The following DISC1 variants were observed in gnomAD, a reference collection of about 807,000 sequenced individuals.
The protein encoded by DISC1 is disrupted in schizophrenia 1 protein.
A neutral mutation model predicts 84.5 loss-of-function variants in DISC1; 57 were observed. That is an observed-to-expected ratio of 0.67 (90% confidence interval 0.55 to 0.84). The LOEUF (loss-of-function observed/expected upper bound fraction) is 0.84. DISC1 is among the 40% of genes least tolerant of loss of function. The pLI is 0.00. For missense variants in DISC1, 1,000 were observed against 1,057.8 expected, an observed-to-expected ratio of 0.95 and a Z score of 0.76; for synonymous variants, 411 against 415.2, an observed-to-expected ratio of 0.99 and a Z score of 0.12.
At chr1:232,023,650 G>A (rs1669174191) in intron 11 of DISC1, among the ~76,000 whole-genome samples, 1 of 152,104 alleles carries the variant, frequency 6.6e-6, no homozygotes, top group South Asian at 2.1e-4. Context: ...ATGTAAAACT[G>A]TATTTTAAAT....
At chr1:231,921,896 CAT>C (rs555535394) in intron 9 of DISC1, among the ~76,000 whole-genome samples, 419 of 143,732 alleles carry the variant, frequency 2.9e-3, no homozygotes, top group Admixed American at 4.7e-3. Flanking sequence ...ATTGTTATTA[CAT>C]AGAGTCACCA....
chr1:231,786,525 A>G (rs941750126), intron 6 of DISC1, among the ~76,000 whole-genome samples: 6 of 152,182 alleles, frequency 3.9e-5, no homozygotes, highest in African/African-American at 1.4e-4. Context: ...GCCAGGTGCT[A>G]AGGTGGTTAT....
intron 1 of DISC1, among the ~76,000 whole-genome samples, chr1:231,647,060 T>C (rs2060198250): frequency 6.6e-6 from 1 of 152,222 alleles, no homozygotes; most frequent in Admixed American, 6.5e-5. Context: ...AGAAGCTCTT[T>C]AGTTTAATTA....
At chr1:231,847,507 C>A (rs1181666965) in intron 9 of DISC1, among the ~76,000 whole-genome samples, 4 of 152,224 alleles carry the variant, frequency 2.6e-5, no homozygotes, top group Non-Finnish European at 4.4e-5. Context: ...AGAAAATAAT[C>A]CAGAAAGTTA....
rs566061684 is a variant in DISC1, at chr1:231,941,709, G to C, written c.1982-17119G>C. Among the ~76,000 whole-genome samples the C allele has an allele frequency of 3.3e-5, 5 of 152,240 alleles. No individual in the cohort carries two copies. In the South Asian group the frequency reaches 8.3e-4, roughly 25 times the overall value. ...GATGGTCTCGATCTCTTGACCTCGTGATCTGCCTGCCTCAGCCTCCCAAAG... is the reference window on the plus strand; with the variant it reads ...GATGGTCTCGATCTCTTGACCTCGTCATCTGCCTGCCTCAGCCTCCCAAAG... On this transcript the variant is annotated intron_variant, in intron 9 of 12. Coordinates refer to ENST00000439617, the MANE Select transcript of DISC1 (RefSeq NM_018662.3).
At chr1:231,932,250 T>C (rs1045158201) in intron 9 of DISC1, among the ~76,000 whole-genome samples, 6 of 152,182 alleles carry the variant, frequency 3.9e-5, no homozygotes, top group Admixed American at 1.3e-4. Context: ...GATTTAGTGG[T>C]AAGAGGAAAG....
chr1:231,995,175 G>A (rs1212641685), intron 10 of DISC1, among the ~76,000 whole-genome samples: 1 of 151,858 alleles, frequency 6.6e-6, no homozygotes, highest in Non-Finnish European at 1.5e-5. Flanking sequence ...TGAATTGGAG[G>A]TTAAGTTGCC....
intron 4 of DISC1, chr1:231,750,454 C>T (rs764732668): frequency 3.0e-5 from 30 of 1,008,004 alleles, no homozygotes; most frequent in African/African-American, 8.6e-5. Context: ...CCCCTCTGAC[C>T]GAGCGATGAA....
chr1:231,745,055 A>C (rs1041658062), intron 3 of DISC1, among the ~76,000 whole-genome samples: 63 of 140,464 alleles, frequency 4.5e-4, no homozygotes, highest in African/African-American at 1.6e-3. Flanking sequence ...AATTTTTTTA[A>C]ATAAAAAAAT....
rs79256544 is a variant in DISC1, at chr1:231,825,825, C to A, written c.1981+7308C>A. 1.3e-4 allele frequency among the ~76,000 whole-genome samples: 20 copies of A among 152,280 alleles called. No individual in the cohort carries two copies. The East Asian group carries it at 3.9e-3, about 29-fold the overall frequency. Reference sequence around the variant, plus strand: ...TGCCTGGAATTAATAAAACCAAATTCTATTATTCACATTATCTTTCATATA... The same window carrying A: ...TGCCTGGAATTAATAAAACCAAATTATATTATTCACATTATCTTTCATATA... On this transcript the variant is annotated intron_variant, in intron 9 of 12. Transcript: ENST00000439617.
intron 11 of DISC1, among the ~76,000 whole-genome samples, chr1:232,018,103 C>T (rs915212781): frequency 6.6e-6 from 1 of 152,112 alleles, no homozygotes; most frequent in Non-Finnish European, 1.5e-5. Flanking sequence ...TACCTGCCTA[C>T]CTAGCAATTT....
chr1:231,755,648 C>T (rs557443442), intron 4 of DISC1, among the ~76,000 whole-genome samples: 82 of 152,224 alleles, frequency 5.4e-4, no homozygotes, highest in African/African-American at 1.9e-3. Context: ...TACCGTTGTT[C>T]TCCCCATTCA....
At chr1:231,647,485 A>G (rs2060231915) in intron 1 of DISC1, among the ~76,000 whole-genome samples, 1 of 151,458 alleles carries the variant, frequency 6.6e-6, no homozygotes, top group Non-Finnish European at 1.5e-5. Context: ...TATAGTTTGA[A>G]GTAGTGTGTT....
At chr1:232,010,762 G>A (rs552702893) in intron 11 of DISC1, among the ~76,000 whole-genome samples, 1 of 152,286 alleles carries the variant, frequency 6.6e-6, no homozygotes, top group East Asian at 1.9e-4. Context: ...TGGACAAAAG[G>A]AGTATGATTT....
intron 9 of DISC1, among the ~76,000 whole-genome samples, chr1:231,931,217 G>A (rs2356710): frequency 0.17 from 25,325 of 152,052 alleles, 2,318 homozygotes; most frequent in Non-Finnish European, 0.21. Context: ...CCTGGTGGTC[G>A]TTAATACGAA....
intron 9 of DISC1, among the ~76,000 whole-genome samples, chr1:231,884,761 A>T (rs2086563111): frequency 6.6e-6 from 1 of 152,040 alleles, no homozygotes; most frequent in African/African-American, 2.4e-5. Flanking sequence ...CCCATACAAC[A>T]AATCATACAT....
chr1:231,798,336 C>T (rs2078933104), intron 7 of DISC1, among the ~76,000 whole-genome samples: 1 of 152,040 alleles, frequency 6.6e-6, no homozygotes, highest in African/African-American at 2.4e-5. Flanking sequence ...CCAGCAGAGC[C>T]TGAAAGAATG....
At chr1:232,024,322 T>G (rs1325297259) in intron 11 of DISC1, among the ~76,000 whole-genome samples, 1 of 152,214 alleles carries the variant, frequency 6.6e-6, no homozygotes. Flanking sequence ...ACAAGTTATT[T>G]GCAGTTCCCA....
At chr1:231,879,961 A>G (rs982290566) in intron 9 of DISC1, among the ~76,000 whole-genome samples, 1 of 152,214 alleles carries the variant, frequency 6.6e-6, no homozygotes, top group Non-Finnish European at 1.5e-5. Flanking sequence ...TTATAGCAAT[A>G]TGGGTGAGTA....
Sources: allele counts gnomAD v4.1 joint callset (sites outside exome capture counted in the v4.1 genomes callset), GRCh38; gene constraint gnomAD v4.1.1; transcripts MANE v1.5; gene names NCBI Gene and HGNC (gene_info 2026-07-23, HGNC 2026-07-21).